TULP2: variants seen among roughly 807,000 people sequenced by gnomAD.
The protein encoded by TULP2 is TUB like protein 2, also known as tubby-related protein 2.
Under a neutral mutation model 60.3 loss-of-function variants are expected in TULP2, and 64 were observed. The ratio of observed to expected loss-of-function variants is 1.06; its 90% CI spans 0.87 to 1.31. TULP2 has a LOEUF of 1.31. TULP2 is among the 50% of genes most tolerant of loss of function. TULP2 has a pLI of 0.00. For synonymous variants in TULP2, 267 were observed against 265.4 expected, an observed-to-expected ratio of 1.01 and a Z score of -0.06; for missense variants, 652 against 667.0, an observed-to-expected ratio of 0.98 and a Z score of 0.25.
chr19:48,886,760 C>T (rs947671097), intron 8 of TULP2, among the ~76,000 whole-genome samples: 8 of 149,120 alleles, frequency 5.4e-5, no homozygotes, highest in African/African-American at 1.8e-4. Flanking sequence ...GAGGGAGGGT[C>T]CAGACTATTT....
chr19:48,896,833 G>A (rs915699869), intron 3 of TULP2: 1 of 378,476 alleles, frequency 2.6e-6, no homozygotes, highest in East Asian at 4.3e-5. Context: ...CATCACAAGG[G>A]TTTGTTTGCT....
chr19:48,893,582 C>A (rs2037253096), intron 6 of TULP2, among the ~76,000 whole-genome samples: 2 of 151,868 alleles, frequency 1.3e-5, no homozygotes, highest in Admixed American at 1.3e-4. Flanking sequence ...GAGACAAAGT[C>A]TCGCTCTTTC....
intron 5 of TULP2, 73 bp downstream of exon 5, chr19:48,895,293 T>C: frequency 6.3e-7 from 1 of 1,586,074 alleles, no homozygotes; most frequent in South Asian, 1.1e-5. Flanking sequence ...ACAGATGGAT[T>C]GAGGCACCAG....
In TULP2 at chr19:48,881,086, G is replaced by C. The variant is rs200935656; in HGVS notation, c.1488C>G (p.Asp496Glu). The C allele has an allele frequency of 6.2e-7, 1 of 1,613,436 alleles. No homozygotes were observed. The stretch of plus-strand genomic sequence containing the variant: ...GAAAGCAGAAGTCCATGGTGAATGT[G>C]TCTGGGCCCACTCGGCCGAACTGGA... Reference protein sequence around the residue: ...LVLQFGRVGPDTFTMDFCFPF... With the variant: ...LVLQFGRVGPETFTMDFCFPF... Residue 496 changes from aspartate to glutamate, a missense_variant, in exon 13 of 13, where the codon GAC (aspartate) becomes GAG (glutamate). Physicochemically the swap from Asp to Glu is conservative, Grantham distance 45. Transcript: ENST00000221399.
intron 8 of TULP2, 39 bp downstream of exon 8, chr19:48,887,911 G>A: frequency 1.9e-6 from 3 of 1,583,214 alleles, no homozygotes; most frequent in South Asian, 1.1e-5. Context: ...CTGGGAGGTG[G>A]GGGCTTACTC....
At chr19:48,883,661 T>G in intron 11 of TULP2, 93 bp downstream of exon 11, 1 of 1,431,062 alleles carries the variant, frequency 7.0e-7, no homozygotes, top group Non-Finnish European at 9.7e-7. Context: ...TGGCCTCCTC[T>G]TCCTCCTCTT....
chr19:48,888,253 GTCT>G lies in TULP2; in HGVS notation c.642_644del (p.Glu214del). On this transcript the variant is annotated inframe_deletion, in exon 8 of 13. Coordinates refer to ENST00000221399, the MANE Select transcript of TULP2 (RefSeq NM_003323.3). The stretch of plus-strand genomic sequence containing the variant: ...CAGAGGCCTCTCTCTTCTTTTCCAA[GTCT>G]TCTTCCTAGCCCAGGCACCAAATTT... 6.3e-7 allele frequency: 1 copy of G among 1,589,544 alleles called. No individual in the cohort carries two copies. Among genetic ancestry groups the G allele is most frequent in the East Asian group, 2.3e-5 (1 of 44,358 alleles).
chr19:48,882,240 G>C, intron 11 of TULP2, 37 bp from the exon 12 acceptor site: 1 of 1,611,704 alleles, frequency 6.2e-7, no homozygotes, highest in Non-Finnish European at 8.5e-7. Flanking sequence ...TTTCTCAGAG[G>C]CTTTCGAAAC....
intron 8 of TULP2, among the ~76,000 whole-genome samples, chr19:48,886,468 G>A (rs2037180301): frequency 1.3e-5 from 2 of 152,070 alleles, no homozygotes; most frequent in South Asian, 4.1e-4. Context: ...AGAATGGGGA[G>A]CACCCTCACT....
chr19:48,888,608 G>A (rs146728386), intron 7 of TULP2, among the ~76,000 whole-genome samples: 4 of 152,268 alleles, frequency 2.6e-5, no homozygotes, highest in African/African-American at 9.6e-5. Context: ...ACACCAAAGT[G>A]AGTGCCAGTT....
chr19:48,897,179 C>T lies in TULP2; in HGVS notation c.84+166G>A, dbSNP rs145324515. Among the ~76,000 whole-genome samples, 2 of 152,254 alleles carry T rather than the reference C, an allele frequency of 1.3e-5. No individual in the cohort carries two copies. Among genetic ancestry groups the T allele is most frequent in the East Asian group, 1.9e-4 (1 of 5,186 alleles). ...TGCTGTGATTACAGCCGTGAGCTGC[C>T]CTGCCCGGCCCCAAATTCCTATTTT... On this transcript the variant is annotated intron_variant, in intron 3 of 12. Coordinates refer to ENST00000221399, the MANE Select transcript of TULP2 (RefSeq NM_003323.3). The surrounding 1 kb of genome is among the most constrained non-coding windows in gnomAD (Gnocchi z 4.0).
intron 7 of TULP2, 77 bp downstream of exon 7, chr19:48,889,433 T>A: frequency 6.7e-7 from 1 of 1,490,210 alleles, no homozygotes. Context: ...GGTGGCAGAA[T>A]TTTAGCCCCA....
At position 48,897,380 on chromosome 19, in the gene TULP2, G is replaced by T; in HGVS notation, c.49C>A (p.Leu17Ile). ...TLMRDILGHE[L>I]AAMRLQKLEQ... Reference sequence around the variant, plus strand: ...AGCTTCTGCAGCCTCATAGCAGCGAGCTCATGCCCCAGGATGCTGAGAGAG... The same window carrying T: ...AGCTTCTGCAGCCTCATAGCAGCGATCTCATGCCCCAGGATGCTGAGAGAG... Residue 17 changes from leucine to isoleucine, a missense_variant, in exon 3 of 13, where the codon CTC becomes ATC. Physicochemically the swap from Leu to Ile is conservative, Grantham distance 5. Coordinates refer to ENST00000221399, the MANE Select transcript of TULP2 (RefSeq NM_003323.3). This position sits in a 1 kb window ranked among gnomAD's most constrained non-coding sequence, Gnocchi z 4.0. 2.5e-6 allele frequency: 4 copies of T among 1,613,806 alleles called. No homozygotes were observed. The highest frequency in any genetic ancestry group is 2.2e-5 in the East Asian group (1 of 44,872).
At chr19:48,895,337 G>A in intron 5 of TULP2, 29 bp downstream of exon 5, 1 of 1,610,212 alleles carries the variant, frequency 6.2e-7, no homozygotes. Context: ...GAGTTCTGGG[G>A]TCTAGGAGGT....
rs374845626 is a variant in TULP2, at chr19:48,882,099, C to T, written c.1380G>A (p.Thr460=). Residue 460 remains threonine (T), a synonymous_variant, in exon 12 of 13, where the codon ACG becomes ACA. Coordinates refer to ENST00000221399, the MANE Select transcript of TULP2 (RefSeq NM_003323.3). ...PSWDKENGVY[T]LNFHGRVTRA... is the part of the protein sequence containing the mutation. ...GAGTGACTCGACCATGGAAATTGAGCGTGTAGACACCGTTCTCCTTGTCCC... is the reference window on the plus strand; with the variant it reads ...GAGTGACTCGACCATGGAAATTGAGTGTGTAGACACCGTTCTCCTTGTCCC... 4.3e-5 allele frequency: 69 copies of T among 1,614,030 alleles called. 2 individuals are homozygous for T. In the Middle Eastern group the frequency reaches 2.8e-3, roughly 65 times the overall value.
At chr19:48,889,000 T>G (rs2122128128) in intron 7 of TULP2, among the ~76,000 whole-genome samples, 1 of 150,880 alleles carries the variant, frequency 6.6e-6, no homozygotes, top group South Asian at 2.1e-4. Flanking sequence ...ATTTTTTTTT[T>G]TTTTTGGACA....
Position 48,895,609 on chromosome 19 carries a change from G to C in TULP2, c.212-106C>G. On this transcript the variant is annotated intron_variant, in intron 4 of 12. Coordinates refer to ENST00000221399, the MANE Select transcript of TULP2 (RefSeq NM_003323.3). ...CCAAATATCACCCCCGCCAGGCGCCGTGGCTCACGCCTGTAATCCCAGCAC... is the reference window on the plus strand; with the variant it reads ...CCAAATATCACCCCCGCCAGGCGCCCTGGCTCACGCCTGTAATCCCAGCAC... 9 of 1,431,690 alleles carry C rather than the reference G, an allele frequency of 6.3e-6. No homozygotes were observed. The South Asian group carries it at 9.1e-5, about 14-fold the overall frequency. 88.7% of individuals were successfully genotyped at this position (1,431,690 alleles called of 1,614,324 possible).
Position 48,896,928 on chromosome 19 carries a change from C to T in TULP2, c.85-372G>A, listed in dbSNP as rs554651915. Among the ~76,000 whole-genome samples the T allele has an allele frequency of 2.6e-5, 4 of 151,346 alleles. No individual in the cohort carries two copies. The East Asian group carries it at 7.7e-4, about 29-fold the overall frequency. ...TTTTTGAGACAGAGTCTGGCTCTAT[C>T]GCCCAGGCTGGAGTGCAGTACCACG... On this transcript the variant is annotated intron_variant, in intron 3 of 12. Coordinates refer to ENST00000221399, the MANE Select transcript of TULP2 (RefSeq NM_003323.3).
At position 48,889,532 on chromosome 19, in the gene TULP2, T is replaced by C. The variant is rs1207660512; in HGVS notation, c.614A>G (p.Tyr205Cys). Reference sequence around the variant, plus strand: ...TACCTTTTGGAAGGCCAAGTTTTCATATACACAGTCACCATCCATTCCAGG... The same window carrying C: ...TACCTTTTGGAAGGCCAAGTTTTCACATACACAGTCACCATCCATTCCAGG... Reference protein sequence around the residue: ...PNPGMDGDCVYENLAFQKEED... With the variant: ...PNPGMDGDCVCENLAFQKEED... Residue 205 changes from tyrosine (Y) to cysteine (C), a missense_variant, in exon 7 of 13, where the codon TAT (tyrosine) becomes TGT (cysteine). Transcript: ENST00000221399. 1.3e-6 allele frequency: 2 copies of C among 1,578,022 alleles called. No homozygotes were observed. The highest frequency in any genetic ancestry group is 2.7e-5 in the African/African-American group (2 of 74,392).
Sources: gnomAD v4.1 joint callset for allele counts (sites outside exome capture counted in the v4.1 genomes callset) on GRCh38, gnomAD v4.1.1 for gene constraint, Gnocchi (gnomAD v3.1) non-coding constraint, MANE v1.5 for transcripts, NCBI Gene and HGNC (gene_info 2026-07-23, HGNC 2026-07-21) for gene names.